The following JUP variants were observed in gnomAD, a reference collection of about 807,000 sequenced individuals.
The protein encoded by JUP is catenin (cadherin-associated protein), gamma 80kDa.
A neutral mutation model predicts 71.1 loss-of-function variants in JUP; 28 were observed. The ratio of observed to expected loss-of-function variants is 0.39; its 90% CI spans 0.29 to 0.54. The LOEUF (loss-of-function observed/expected upper bound fraction) is 0.54. Among genes scored for constraint, JUP ranks in the 20% least tolerant of loss-of-function variants. JUP has a pLI of 0.62. For synonymous variants in JUP, 401 were observed against 438.9 expected (o/e 0.91, Z 1.08); for missense variants, 869 against 1,030.1 (o/e 0.84, Z 2.14).
At chr17:41,778,088 C>T (rs1555609271) in intron 1 of JUP, among the ~76,000 whole-genome samples, 1 of 152,222 alleles carries the variant, frequency 6.6e-6, no homozygotes, top group African/African-American at 2.4e-5. Flanking sequence ...GCTTGGGCAG[C>T]CTGGGGTCCA....
At position 41,761,132 on chromosome 17, in the gene JUP, T is replaced by C. The variant is rs78283646; in HGVS notation, c.1497+1851A>G. ...GGAAGTGACACACAGCTAGCTCTCT[T>C]CCACCCAGGTAGCCTCAAGAAGAAG... On this transcript the variant is annotated intron_variant, in intron 8 of 13. Coordinates refer to ENST00000393931, the MANE Select transcript of JUP (RefSeq NM_002230.4). Among the ~76,000 whole-genome samples the C allele has an allele frequency of 9.2e-3, 1,394 of 152,220 alleles. 17 individuals are homozygous for C. Among genetic ancestry groups the C allele is most frequent in the Middle Eastern group, 0.041 (12 of 294 alleles).
At chr17:41,759,635 T>C (rs1914476357) in intron 8 of JUP, among the ~76,000 whole-genome samples, 1 of 152,176 alleles carries the variant, frequency 6.6e-6, no homozygotes, top group Non-Finnish European at 1.5e-5. Context: ...AGAGGTGTCC[T>C]GAGATCTCCT....
intron 1 of JUP, chr17:41,772,221 G>A (rs1916779557): frequency 2.4e-5 from 9 of 378,336 alleles, no homozygotes; most frequent in South Asian, 1.1e-4. Flanking sequence ...CTCTCCCAGG[G>A]GCAAGAGAAG....
chr17:41,770,638 GCCCACC>G (rs1916505049), intron 2 of JUP, among the ~76,000 whole-genome samples: 1 of 152,158 alleles, frequency 6.6e-6, no homozygotes, highest in Admixed American at 6.5e-5. Context: ...AGCACCCACA[GCCCACC>G]CCCTGGCATG....
intron 8 of JUP, among the ~76,000 whole-genome samples, chr17:41,762,413 C>T (rs1454778548): frequency 1.6e-4 from 25 of 151,846 alleles, no homozygotes; most frequent in Non-Finnish European, 3.4e-4. Flanking sequence ...TTTTAAGACA[C>T]GGGTTCTTGC....
rs376289528 is a variant in JUP, at chr17:41,769,427, G to T, written c.459C>A (p.Asp153Glu). Residue 153 changes from aspartate (D) to glutamate (E), a missense_variant, in exon 3 of 14, where the codon GAC becomes GAA. Transcript: ENST00000393931. ...AGGGACCCTCACAGACCGGGTCCTC[G>T]TCGTTGAGCAGTTTGGTGAGCTCGG... is the stretch of plus-strand genomic sequence containing the variant. Reference protein sequence around the residue: ...ALPELTKLLNDEDPVVVTKAA... With the variant: ...ALPELTKLLNEEDPVVVTKAA... 1 of 1,611,898 alleles carries T rather than the reference G, an allele frequency of 6.2e-7. No individual in the cohort carries two copies. The highest frequency in any genetic ancestry group is 1.1e-5 in the South Asian group (1 of 90,678).
Position 41,776,574 on chromosome 17 carries a change from C to T in JUP, c.-8-4712G>A, listed in dbSNP as rs577820599. ...CTACAAAAAATAAAAAGAAATTAGCCGGGCATGGTGGCATGCACCTGCAGT... is the reference window on the plus strand; with the variant it reads ...CTACAAAAAATAAAAAGAAATTAGCTGGGCATGGTGGCATGCACCTGCAGT... On this transcript the variant is annotated intron_variant, in intron 1 of 13. Coordinates refer to ENST00000393931, the MANE Select transcript of JUP (RefSeq NM_002230.4). Among the ~76,000 whole-genome samples the T allele has an allele frequency of 2.3e-3, 347 of 152,110 alleles. 1 individual carries two copies. The highest frequency in any genetic ancestry group is 8.1e-3 in the African/African-American group (338 of 41,502).
chr17:41,768,934 G>T lies in JUP; in HGVS notation c.707+35C>A, dbSNP rs1436162944. 2.7e-6 allele frequency: 4 copies of T among 1,492,724 alleles called. No individual in the cohort carries two copies. In the African/African-American group the frequency reaches 5.5e-5, roughly 21 times the overall value. 92.5% of individuals were successfully genotyped at this position (1,492,724 alleles called of 1,614,324 possible). A position where few individuals can be genotyped will look rare whatever the true frequency, so the allele number is the denominator to read the frequency against. On this transcript the variant is annotated intron_variant, in intron 4 of 13. Coordinates refer to ENST00000393931, the MANE Select transcript of JUP (RefSeq NM_002230.4). ...GAGGGGAGAGGCCCAAGTGAGAGGG[G>T]GTCCTGGGCTCATGCAGTGAGCAGG...
chr17:41,785,949 G>A (rs1555611651), intron 1 of JUP: 1 of 152,324 alleles, frequency 6.6e-6, no homozygotes, highest in Non-Finnish European at 1.5e-5. Flanking sequence ...GTGGAGGGAG[G>A]CGCCGCAGGT....
chr17:41,780,641 G>A (rs1191682490), intron 1 of JUP, among the ~76,000 whole-genome samples: 13 of 151,642 alleles, frequency 8.6e-5, no homozygotes, highest in African/African-American at 2.4e-4. Context: ...GTTGCAGTGA[G>A]CCAAGACTGC....
At chr17:41,769,766 GT>G in intron 2 of JUP, 89 bp from the exon 3 acceptor site, 1 of 1,457,860 alleles carries the variant, frequency 6.9e-7, no homozygotes, top group East Asian at 2.3e-5. Flanking sequence ...CCCCACCTGG[GT>G]CCTCTGGGCT....
intron 12 of JUP, among the ~76,000 whole-genome samples, chr17:41,757,015 C>G (rs1913924462): frequency 6.6e-6 from 1 of 152,126 alleles, no homozygotes; most frequent in African/African-American, 2.4e-5. Flanking sequence ...TACTCATGTC[C>G]TCGGTACTCC....
chr17:41,769,765 G>C (rs1458153331), intron 2 of JUP, 88 bp from the exon 3 acceptor site: 1 of 1,455,972 alleles, frequency 6.9e-7, no homozygotes, highest in Non-Finnish European at 9.3e-7. Flanking sequence ...GCCCCACCTG[G>C]GTCCTCTGGG....
chr17:41,755,778 G>A lies in JUP; in HGVS notation c.2204C>T (p.Pro735Leu), dbSNP rs782574785. 17 of 1,611,156 alleles carry A rather than the reference G, an allele frequency of 1.1e-5. No homozygotes were observed. Among genetic ancestry groups the A allele is most frequent in the Non-Finnish European group, 1.4e-5 (16 of 1,178,482 alleles). The change falls in exon 14 of 14, where the codon CCC becomes CTC. Residue 735 changes from proline (P) to leucine (L), a missense_variant. Coordinates refer to ENST00000393931, the MANE Select transcript of JUP (RefSeq NM_002230.4). ...CATGTGGTCTGCAGTGGGGTACGGG[G>A]GCCTGAGGCCGTCGCTGTAGGTGTC... ...PIDTYSDGLRPPYPTADHMLA is the reference protein window; with the variant it reads ...PIDTYSDGLRLPYPTADHMLA
At chr17:41,756,022 C>A in intron 13 of JUP, 127 bp from the exon 14 acceptor site, 1 of 1,367,328 alleles carries the variant, frequency 7.3e-7, no homozygotes, top group Non-Finnish European at 1.0e-6. Context: ...TCCCCAGACC[C>A]CACACCAGGG....
At chr17:41,769,782 C>T (rs915771557) in intron 2 of JUP, 105 bp from the exon 3 acceptor site, 6 of 1,299,736 alleles carry the variant, frequency 4.6e-6, no homozygotes, top group Admixed American at 2.2e-5. Flanking sequence ...TGGGCTACCT[C>T]TTGCCCTGCC....
At chr17:41,771,026 A>G (rs1916564247) in intron 2 of JUP, among the ~76,000 whole-genome samples, 1 of 151,610 alleles carries the variant, frequency 6.6e-6, no homozygotes, top group African/African-American at 2.4e-5. Flanking sequence ...TCCTCATCAG[A>G]CTCTTTTTTT....
chr17:41,767,879 G>A (rs1056038081), intron 4 of JUP, among the ~76,000 whole-genome samples: 17 of 152,208 alleles, frequency 1.1e-4, no homozygotes, highest in African/African-American at 3.6e-4. Context: ...CCACCATGTG[G>A]AAGGCCACAT....
Position 41,758,402 on chromosome 17 carries a change from C to T in JUP, c.1770G>A (p.Val590=), listed in dbSNP as rs782444566. The T allele has an allele frequency of 3.1e-6, 5 of 1,612,976 alleles. No homozygotes were observed. The South Asian group carries it at 3.3e-5, about 11-fold the overall frequency. The change falls in exon 10 of 14, where the codon GTG becomes GTA. Residue 590 remains valine (V), a synonymous_variant. Transcript: ENST00000393931. ...IFRLNTIPLF[V]QLLYSSVENI... is the part of the protein sequence containing the mutation. ...TGCCCACCTGCCCCAGACTCACCTG[C>T]ACAAACAGGGGAATGGTGTTGAGCC...
Sources: allele counts gnomAD v4.1 joint callset (sites outside exome capture counted in the v4.1 genomes callset), GRCh38; gene constraint gnomAD v4.1.1; transcripts MANE v1.5; gene names NCBI Gene and HGNC (gene_info 2026-07-23, HGNC 2026-07-21).